Variants in UVRAG observed in about 807,000 individuals in gnomAD.
The protein encoded by UVRAG is UV radiation resistance associated, also known as UV radiation resistance-associated gene protein.
In UVRAG, 19 loss-of-function variants were observed where a neutral mutation model predicts 78.0. The observed-to-expected ratio is 0.24, with a 90% CI of 0.17 to 0.36. The LOEUF (loss-of-function observed/expected upper bound fraction) is 0.36. UVRAG is among the 10% of genes least tolerant of loss of function. UVRAG has a pLI of 1.00. For synonymous variants in UVRAG, 323 were observed against 324.6 expected, an observed-to-expected ratio of 1.00 and a Z score of 0.05; for missense variants, 740 against 853.8, an observed-to-expected ratio of 0.87 and a Z score of 1.66.
At chr11:75,984,519 A>G (rs1949456444) in intron 8 of UVRAG, among the ~76,000 whole-genome samples, 1 of 152,238 alleles carries the variant, frequency 6.6e-6, no homozygotes, top group South Asian at 2.1e-4. Context: ...CAATGGGTTT[A>G]TCAGGATGTA....
At chr11:75,920,738 G>T (rs1033339356) in intron 6 of UVRAG, among the ~76,000 whole-genome samples, 3 of 152,066 alleles carry the variant, frequency 2.0e-5, no homozygotes, top group African/African-American at 7.2e-5. Flanking sequence ...ATGATTTATA[G>T]ATACATTTAT....
intron 5 of UVRAG, among the ~76,000 whole-genome samples, chr11:75,895,460 C>G (rs1230464347): frequency 6.6e-6 from 1 of 152,144 alleles, no homozygotes; most frequent in Non-Finnish European, 1.5e-5. Context: ...ATTTTCACTT[C>G]CAGGAGTGTG....
Position 76,141,264 on chromosome 11 carries a change from G to T in UVRAG, c.1951G>T (p.Ala651Ser). Residue 651 changes from alanine (A) to serine (S), a missense_variant, in exon 15 of 15, where the codon GCA becomes TCA. Coordinates refer to ENST00000356136, the MANE Select transcript of UVRAG (RefSeq NM_003369.4). ...TTTCGCCTCAGGTGATCAGCTAGAAGCATTTAACTGCATCCCAGTGGACAG... is the reference window on the plus strand; with the variant it reads ...TTTCGCCTCAGGTGATCAGCTAGAATCATTTAACTGCATCCCAGTGGACAG... The part of the protein sequence containing the change: ...TGFASGDQLE[A>S]FNCIPVDSAV... The T allele has an allele frequency of 6.2e-7, 1 of 1,614,246 alleles. No individual in the cohort carries two copies.
At chr11:75,919,873 G>A (rs901313918) in intron 6 of UVRAG, among the ~76,000 whole-genome samples, 5 of 151,938 alleles carry the variant, frequency 3.3e-5, no homozygotes, top group Non-Finnish European at 7.4e-5. Context: ...TGCACGTGCT[G>A]TTTTCTATTA....
intron 6 of UVRAG, among the ~76,000 whole-genome samples, chr11:75,915,737 G>T (rs2135043325): frequency 1.3e-5 from 2 of 152,304 alleles, no homozygotes; most frequent in Middle Eastern, 6.8e-3. Context: ...TACAGGCTTA[G>T]TAGATAGCTT....
intron 12 of UVRAG, among the ~76,000 whole-genome samples, chr11:76,042,930 A>G (rs1361300236): frequency 1.3e-5 from 2 of 152,200 alleles, no homozygotes; most frequent in African/African-American, 2.4e-5. Context: ...AGGATGGCAG[A>G]GTGGAAAGAT....
chr11:75,923,590 A>G (rs1443207447), intron 6 of UVRAG, among the ~76,000 whole-genome samples: 1 of 152,208 alleles, frequency 6.6e-6, no homozygotes, highest in Admixed American at 6.5e-5. Context: ...AACAGATTAA[A>G]TAATTTTGAA....
At chr11:75,886,313 A>G (rs1452343352) in intron 4 of UVRAG, among the ~76,000 whole-genome samples, 2 of 152,112 alleles carry the variant, frequency 1.3e-5, no homozygotes, top group Admixed American at 6.6e-5. Flanking sequence ...TTAAGTGTAT[A>G]TTTTTATTTT....
chr11:76,117,577 A>G (rs1952204100), intron 14 of UVRAG, among the ~76,000 whole-genome samples: 1 of 152,254 alleles, frequency 6.6e-6, no homozygotes, highest in Non-Finnish European at 1.5e-5. Context: ...TGATAAAGCT[A>G]CTTGGAAAAT....
In UVRAG at chr11:75,893,393, T is replaced by G. The variant is rs1947264211; in HGVS notation, c.507+4490T>G. Reference sequence around the variant, plus strand: ...ATGAGCACGAAAAGCTGAGTGGGGCTCTCCCTATTAAAAAAAGGGCCGAGA... The same window carrying G: ...ATGAGCACGAAAAGCTGAGTGGGGCGCTCCCTATTAAAAAAAGGGCCGAGA... On this transcript the variant is annotated intron_variant, in intron 5 of 14. Transcript: ENST00000356136. 2.0e-5 allele frequency among the ~76,000 whole-genome samples: 3 copies of G among 150,554 alleles called. No individual in the cohort carries two copies. In the East Asian group the frequency reaches 5.9e-4, roughly 29 times the overall value.
At chr11:75,969,057 T>G (rs890768508) in intron 7 of UVRAG, among the ~76,000 whole-genome samples, 1 of 152,220 alleles carries the variant, frequency 6.6e-6, no homozygotes, top group African/African-American at 2.4e-5. Context: ...ATTAAATACC[T>G]TCAGAATGTC....
intron 12 of UVRAG, among the ~76,000 whole-genome samples, chr11:76,025,816 C>T (rs1048631676): frequency 6.6e-6 from 1 of 152,042 alleles, no homozygotes; most frequent in African/African-American, 2.4e-5. Flanking sequence ...GGTCTAACAC[C>T]TTTTTTGTGA....
intron 13 of UVRAG, among the ~76,000 whole-genome samples, chr11:76,093,791 A>G (rs1256193381): frequency 1.3e-5 from 2 of 152,260 alleles, no homozygotes; most frequent in Non-Finnish European, 2.9e-5. Context: ...ATATACAATC[A>G]TGTCATCTGC....
At position 75,849,362 on chromosome 11, in the gene UVRAG, C is replaced by T. The variant is rs185873254; in HGVS notation, c.118-2521C>T. Among the ~76,000 whole-genome samples the T allele has an allele frequency of 3.8e-4, 57 of 151,594 alleles. 1 individual carries two copies. The highest frequency in any genetic ancestry group is 1.2e-3 in the African/African-American group (50 of 41,268). On this transcript the variant is annotated intron_variant, in intron 1 of 14. Transcript: ENST00000356136. ...CTACTAAAAATACAAAAAAATTAGC[C>T]GGGTGCCTGTAGTCCCAGCTACTTG... is the stretch of plus-strand genomic sequence containing the variant.
intron 13 of UVRAG, among the ~76,000 whole-genome samples, chr11:76,084,995 C>G (rs1282979716): frequency 7.1e-6 from 1 of 140,024 alleles, no homozygotes; most frequent in African/African-American, 2.7e-5. Context: ...ACCTGGGAGG[C>G]AGAGGTTGCA....
chr11:75,996,198 T>A (rs1376649664), intron 8 of UVRAG, among the ~76,000 whole-genome samples: 4 of 151,724 alleles, frequency 2.6e-5, no homozygotes, highest in Non-Finnish European at 4.4e-5. Context: ...TGGTTTGTCA[T>A]AATTTTTTCT....
chr11:76,034,613 T>C (rs1383496355), intron 12 of UVRAG, among the ~76,000 whole-genome samples: 3 of 152,206 alleles, frequency 2.0e-5, no homozygotes, highest in Non-Finnish European at 4.4e-5. Flanking sequence ...GGGTGGTTAC[T>C]TTTTTCTTAT....
chr11:76,032,463 C>A (rs994165833), intron 12 of UVRAG, among the ~76,000 whole-genome samples: 4 of 152,092 alleles, frequency 2.6e-5, no homozygotes, highest in African/African-American at 9.7e-5. Flanking sequence ...ATAGTTAAAT[C>A]ATAAGAGAGT....
chr11:76,088,493 C>T (rs1273442494), intron 13 of UVRAG, among the ~76,000 whole-genome samples: 2 of 148,328 alleles, frequency 1.3e-5, no homozygotes, highest in Non-Finnish European at 3.0e-5. Context: ...CGCCCACCCG[C>T]GCCCCCTCCC....
Sources: gnomAD v4.1 joint callset for allele counts (sites outside exome capture counted in the v4.1 genomes callset) on GRCh38, gnomAD v4.1.1 for gene constraint, MANE v1.5 for transcripts, NCBI Gene and HGNC (gene_info 2026-07-23, HGNC 2026-07-21) for gene names.